MYRIP: variants seen among roughly 807,000 people sequenced by gnomAD.
MYRIP encodes the protein myosin VIIA and Rab interacting protein.
A neutral mutation model predicts 98.0 loss-of-function variants in MYRIP; 49 were observed. The ratio of observed to expected loss-of-function variants is 0.50; its 90% CI spans 0.40 to 0.63. The LOEUF (loss-of-function observed/expected upper bound fraction) is 0.63, where lower values mean the gene tolerates loss of function less well. Among genes scored for constraint, MYRIP ranks in the 30% least tolerant of loss-of-function variants. The probability of loss-of-function intolerance (pLI) is 0.00; values close to 1 mark genes in which losing one functional copy is unlikely to be tolerated. For synonymous variants in MYRIP, 404 were observed against 409.5 expected (o/e 0.99, Z 0.16); for missense variants, 1,004 against 1,058.2 (o/e 0.95, Z 0.71).
chr3:40,146,212 G>A (rs1312008160), intron 3 of MYRIP, among the ~76,000 whole-genome samples: 3 of 152,170 alleles, frequency 2.0e-5, no homozygotes, highest in African/African-American at 4.8e-5. Flanking sequence ...TCATGTTGGC[G>A]TGGTAGTGGC....
intron 8 of MYRIP, among the ~76,000 whole-genome samples, chr3:40,172,702 T>A (rs1311443638): frequency 6.6e-6 from 1 of 152,172 alleles, no homozygotes; most frequent in East Asian, 1.9e-4. Flanking sequence ...ATCTGCCTGC[T>A]CCAATTCCCA....
intron 2 of MYRIP, among the ~76,000 whole-genome samples, chr3:39,938,721 G>T (rs1944713872): frequency 6.6e-6 from 1 of 152,080 alleles, no homozygotes; most frequent in African/African-American, 2.4e-5. Context: ...GCCCAGGCTG[G>T]TGTCAAATCC....
intron 1 of MYRIP, among the ~76,000 whole-genome samples, chr3:39,850,211 A>C (rs186922872): frequency 3.9e-4 from 59 of 152,298 alleles, no homozygotes; most frequent in Middle Eastern, 6.8e-3. Context: ...GAAGCTGTCT[A>C]TCAGGTTTCT....
intron 4 of MYRIP, among the ~76,000 whole-genome samples, chr3:40,155,906 G>A (rs1559424753): frequency 6.6e-6 from 1 of 151,204 alleles, no homozygotes. Flanking sequence ...TTTGTCAGAT[G>A]AGTAGGTTGC....
At chr3:39,910,645 G>A (rs899213584) in intron 2 of MYRIP, among the ~76,000 whole-genome samples, 1 of 152,130 alleles carries the variant, frequency 6.6e-6, no homozygotes, top group African/African-American at 2.4e-5. Context: ...TTTTTATATT[G>A]ATTACACATT....
At chr3:39,996,323 A>C (rs1461975544) in intron 2 of MYRIP, among the ~76,000 whole-genome samples, 1 of 152,200 alleles carries the variant, frequency 6.6e-6, no homozygotes, top group East Asian at 1.9e-4. Flanking sequence ...GCTCAAAATA[A>C]AGGGATGGAG....
chr3:40,160,399 C>T (rs1950357936), intron 4 of MYRIP, among the ~76,000 whole-genome samples: 1 of 152,220 alleles, frequency 6.6e-6, no homozygotes, highest in Non-Finnish European at 1.5e-5. Flanking sequence ...GTCTTCAAAG[C>T]TGTCAGACAG....
At chr3:40,190,515 G>A in intron 10 of MYRIP, 52 bp downstream of exon 10, 3 of 1,522,944 alleles carry the variant, frequency 2.0e-6, no homozygotes, top group Non-Finnish European at 2.6e-6. Context: ...GGTAGGATGT[G>A]CCCTACTCCA....
intron 2 of MYRIP, among the ~76,000 whole-genome samples, chr3:39,965,098 A>G (rs1250723730): frequency 6.6e-6 from 1 of 152,078 alleles, no homozygotes; most frequent in Non-Finnish European, 1.5e-5. Context: ...AATTCTTTAT[A>G]ATTTTTTCTC....
At chr3:39,837,156 G>A (rs373942058) in intron 1 of MYRIP, among the ~76,000 whole-genome samples, 42 of 151,872 alleles carry the variant, frequency 2.8e-4, no homozygotes, top group African/African-American at 8.7e-4. Context: ...GAATCCCAAC[G>A]CTGTAGGTTG....
intron 2 of MYRIP, among the ~76,000 whole-genome samples, chr3:39,952,409 G>T (rs74849920): frequency 0.036 from 5,471 of 152,086 alleles, 326 homozygotes; most frequent in African/African-American, 0.12. Context: ...TTTGTGACAT[G>T]CTTTTTCTGT....
At position 40,173,581 on chromosome 3, in the gene MYRIP, C is replaced by T. The variant is rs534899947; in HGVS notation, c.873+3488C>T. The T allele has an allele frequency of 1.8e-3, 272 of 152,398 alleles. 2 individuals are homozygous for T. The highest frequency in any genetic ancestry group is 6.3e-3 in the African/African-American group (260 of 41,560). 9.4% of individuals were successfully genotyped at this position (152,398 alleles called of 1,614,324 possible). On this transcript the variant is annotated intron_variant, in intron 8 of 16. Coordinates refer to ENST00000302541, the MANE Select transcript of MYRIP (RefSeq NM_015460.4). ...AGCAGGACAACAGAGGCGTTTCATT[C>T]ATCCACACTCCTCGGCCAAGTACTG...
At chr3:40,077,697 C>A (rs928152624) in intron 3 of MYRIP, among the ~76,000 whole-genome samples, 1 of 152,242 alleles carries the variant, frequency 6.6e-6, no homozygotes, top group Non-Finnish European at 1.5e-5. Flanking sequence ...CTCCAAGGCC[C>A]CACCACAGTA....
chr3:39,832,898 G>T (rs1941493927), intron 1 of MYRIP, among the ~76,000 whole-genome samples: 1 of 152,116 alleles, frequency 6.6e-6, no homozygotes, highest in Non-Finnish European at 1.5e-5. Context: ...TACCCTAAGG[G>T]AAGAAATTCA....
At chr3:39,982,308 G>A (rs116449047) in intron 2 of MYRIP, among the ~76,000 whole-genome samples, 2,479 of 152,226 alleles carry the variant, frequency 0.016, 31 homozygotes, top group Non-Finnish European at 0.026. Flanking sequence ...GTCAGCAAAA[G>A]CCTCTGTATG....
intron 8 of MYRIP, chr3:40,174,632 G>A (rs1301154213): frequency 1.3e-5 from 2 of 152,168 alleles, no homozygotes; most frequent in African/African-American, 2.4e-5. Context: ...TGCAGTACAG[G>A]TCTGTGGCTG....
chr3:39,854,337 T>G (rs747374978), intron 1 of MYRIP, among the ~76,000 whole-genome samples: 35 of 152,112 alleles, frequency 2.3e-4, no homozygotes, highest in Non-Finnish European at 1.5e-5. Context: ...GCTTTGTTAA[T>G]TTTTTTATTC....
At position 40,177,590 on chromosome 3, in the gene MYRIP, G is replaced by A. The variant is rs907898604; in HGVS notation, c.874-4630G>A. Reference sequence around the variant, plus strand: ...ATTCTCTTGGAAGAAGGTTCAGTGCGAATGCTCCATTTTTAATTTCCTCCC... The same window carrying A: ...ATTCTCTTGGAAGAAGGTTCAGTGCAAATGCTCCATTTTTAATTTCCTCCC... On this transcript the variant is annotated intron_variant, in intron 8 of 16. Coordinates refer to ENST00000302541, the MANE Select transcript of MYRIP (RefSeq NM_015460.4). 2.0e-5 allele frequency among the ~76,000 whole-genome samples: 3 copies of A among 152,206 alleles called. No individual in the cohort carries two copies. In the East Asian group the frequency reaches 5.8e-4, roughly 29 times the overall value.
intron 1 of MYRIP, among the ~76,000 whole-genome samples, chr3:39,896,681 T>G (rs1328434684): frequency 6.6e-6 from 1 of 152,346 alleles, no homozygotes. Context: ...TATTTTTCTC[T>G]TTATATCAGG....
Sources: gnomAD v4.1 joint callset for allele counts (sites outside exome capture counted in the v4.1 genomes callset) on GRCh38, gnomAD v4.1.1 for gene constraint, MANE v1.5 for transcripts, NCBI Gene and HGNC (gene_info 2026-07-23, HGNC 2026-07-21) for gene names.